MYO5B: variants seen among roughly 807,000 people sequenced by gnomAD.
MYO5B encodes the protein myosin VB.
MYO5B carries 143 observed loss-of-function variants against 229.3 expected under a neutral mutation model. The observed-to-expected ratio is 0.62, with a 90% confidence interval of 0.54 to 0.72. The LOEUF (loss-of-function observed/expected upper bound fraction) is 0.72. MYO5B is among the 30% of genes least tolerant of loss of function. The probability of loss-of-function intolerance (pLI) is 0.00; values close to 1 mark genes in which losing one functional copy is unlikely to be tolerated. For missense variants in MYO5B, 2,321 were observed against 2,331.0 expected, an observed-to-expected ratio of 1.00 and a Z score of 0.09; for synonymous variants, 918 against 885.2, an observed-to-expected ratio of 1.04 and a Z score of -0.66.
chr18:49,864,532 C>T lies in MYO5B; in HGVS notation c.3604-152G>A, dbSNP rs2024374359. 3.6e-6 allele frequency: 4 copies of T among 1,121,006 alleles called. No individual in the cohort carries two copies. In the South Asian group the frequency reaches 5.9e-5, roughly 17 times the overall value. The allele number at this position is 1,121,006 out of a possible 1,614,324, so 69.4% of individuals were successfully genotyped here. On this transcript the variant is annotated intron_variant, in intron 27 of 39. Coordinates refer to ENST00000285039, the MANE Select transcript of MYO5B (RefSeq NM_001080467.3). ...GAAAGTTCTGACTGCCATCAGCAAGCAGTCAAAGCTGGGGCCTGGATGTGA... is the reference window on the plus strand; with the variant it reads ...GAAAGTTCTGACTGCCATCAGCAAGTAGTCAAAGCTGGGGCCTGGATGTGA...
chr18:50,092,715 T>C (rs1250365370), intron 1 of MYO5B, among the ~76,000 whole-genome samples: 6 of 152,098 alleles, frequency 3.9e-5, no homozygotes, highest in South Asian at 2.1e-4. Context: ...GCCAGTAACA[T>C]ACTAGTGCCC....
rs2023786217 is a variant in MYO5B, at chr18:49,822,828, T to G, written c.*3643A>C. 6.6e-6 allele frequency: 1 copy of G among 152,272 alleles called. No homozygotes were observed. Among genetic ancestry groups the G allele is most frequent in the Non-Finnish European group, 1.5e-5 (1 of 68,048 alleles). 9.4% of individuals were successfully genotyped at this position (152,272 alleles called of 1,614,324 possible). A position where few individuals can be genotyped will look rare whatever the true frequency, so the allele number is the denominator to read the frequency against. On this transcript the variant is annotated 3_prime_UTR_variant, in exon 40 of 40. Transcript: ENST00000285039. ...GGCACACCTCTTTATTCAAAAGTAT[T>G]TATTTCCACAAATTTTTATCCACAG...
chr18:49,915,254 G>C (rs2025000062), intron 17 of MYO5B, among the ~76,000 whole-genome samples: 1 of 151,808 alleles, frequency 6.6e-6, no homozygotes, highest in Non-Finnish European at 1.5e-5. Context: ...TAGTATATTT[G>C]CGAAGTTGTG....
intron 22 of MYO5B, among the ~76,000 whole-genome samples, chr18:49,885,869 G>A (rs2679728): frequency 0.58 from 88,162 of 151,858 alleles, 25,737 homozygotes; most frequent in Middle Eastern, 0.67. Flanking sequence ...TGTCCTTTAA[G>A]GGCCCATAGA....
chr18:49,882,742 T>C (rs552149847), intron 22 of MYO5B, among the ~76,000 whole-genome samples: 1 of 151,880 alleles, frequency 6.6e-6, no homozygotes, highest in African/African-American at 2.4e-5. Context: ...GATCAATATA[T>C]GTAGATGGTT....
chr18:49,930,977 G>A (rs369661462), intron 16 of MYO5B, among the ~76,000 whole-genome samples: 1 of 152,008 alleles, frequency 6.6e-6, no homozygotes, highest in African/African-American at 2.4e-5. Flanking sequence ...TCTTCATAGA[G>A]AAAGAATTAA....
At chr18:49,978,263 AC>A (rs2025774974) in intron 9 of MYO5B, among the ~76,000 whole-genome samples, 1 of 152,166 alleles carries the variant, frequency 6.6e-6, no homozygotes, top group Non-Finnish European at 1.5e-5. Context: ...CTCAGTGGGT[AC>A]TAGAGGGAGA....
chr18:50,067,970 C>T (rs1286196862), intron 1 of MYO5B, among the ~76,000 whole-genome samples: 1 of 152,070 alleles, frequency 6.6e-6, no homozygotes, highest in Admixed American at 6.6e-5. Flanking sequence ...GTATACACTA[C>T]AGACATGTTC....
Position 50,055,284 on chromosome 18 carries a change from C to G in MYO5B, c.122G>C (p.Arg41Thr). ...YKEGDKSLQL[R>T]LEDETILEYP... ...CACTCTTACCGTTTCATCCTCCAGT[C>G]TGAGCTGTAGGCTCTTGTCTCCTTC... The change falls in exon 2 of 40, where the codon AGA (arginine) becomes ACA (threonine). Residue 41 changes from arginine to threonine, a missense_variant. Physicochemically the swap from Arg to Thr is moderately conservative, Grantham distance 71. Around this residue, in one of 2 missense-constraint regions of MYO5B, gnomAD observed 2,113 missense variants for 2,044.7 expected, o/e 1.03. Transcript: ENST00000285039. 1.3e-6 allele frequency: 2 copies of G among 1,517,156 alleles called. No individual in the cohort carries two copies. The highest frequency in any genetic ancestry group is 1.8e-6 in the Non-Finnish European group (2 of 1,118,716). 94.0% of individuals were successfully genotyped at this position (1,517,156 alleles called of 1,614,324 possible). A position where few individuals can be genotyped will look rare whatever the true frequency, so the allele number is the denominator to read the frequency against.
At chr18:50,043,626 ATAAATATATTAAATATATTTATAAATATG>A (rs2030132491) in intron 2 of MYO5B, among the ~76,000 whole-genome samples, 2 of 135,398 alleles carry the variant, frequency 1.5e-5, no homozygotes, top group Non-Finnish European at 3.1e-5. Flanking sequence ...ATATAAATAT[ATAAATATATTAAATATATTTATAAATATG>A]TAAATATATA....
At chr18:49,927,995 A>C (rs554939860) in intron 17 of MYO5B, among the ~76,000 whole-genome samples, 36 of 152,372 alleles carry the variant, frequency 2.4e-4, no homozygotes, top group African/African-American at 6.7e-4. Context: ...CTATACATCC[A>C]ACAAAGGACT....
intron 1 of MYO5B, among the ~76,000 whole-genome samples, chr18:50,100,777 C>G (rs2144501856): frequency 6.6e-6 from 1 of 152,316 alleles, no homozygotes; most frequent in African/African-American, 2.4e-5. Context: ...CTCTCTTCTT[C>G]TTGTCTTTGC....
intron 4 of MYO5B, among the ~76,000 whole-genome samples, chr18:50,030,193 C>A (rs1378338332): frequency 6.6e-6 from 1 of 152,186 alleles, no homozygotes; most frequent in Non-Finnish European, 1.5e-5. Context: ...CAGAGCATTC[C>A]ATCCCCATCA....
chr18:50,146,002 C>G (rs1445392656), intron 1 of MYO5B, among the ~76,000 whole-genome samples: 3 of 152,214 alleles, frequency 2.0e-5, no homozygotes, highest in African/African-American at 4.8e-5. Flanking sequence ...AAAGGAGCAG[C>G]CCTTCCCAAT....
intron 39 of MYO5B, among the ~76,000 whole-genome samples, chr18:49,831,137 AAAATT>A (rs1416958085): frequency 2.0e-5 from 3 of 152,204 alleles, no homozygotes; most frequent in Non-Finnish European, 4.4e-5. Context: ...ACCATATACA[AAAATT>A]AACTCTGAAT....
intron 14 of MYO5B, among the ~76,000 whole-genome samples, chr18:49,949,323 G>GA (rs1568043376): frequency 1.1e-5 from 1 of 87,626 alleles, no homozygotes. Context: ...ATAAAAACTG[G>GA]AAAACTGGAA....
At chr18:50,130,844 C>T (rs1432733011) in intron 1 of MYO5B, among the ~76,000 whole-genome samples, 1 of 152,164 alleles carries the variant, frequency 6.6e-6, no homozygotes, top group Non-Finnish European at 1.5e-5. Flanking sequence ...GGTAAGGAAT[C>T]CCGAATAAGC....
chr18:49,964,168 T>C (rs191708529), intron 10 of MYO5B, among the ~76,000 whole-genome samples: 1 of 152,246 alleles, frequency 6.6e-6, no homozygotes, highest in Non-Finnish European at 1.5e-5. Context: ...TCTTAAAAGG[T>C]AGAAGTAAAT....
chr18:50,165,249 G>A (rs2032828338), intron 1 of MYO5B, among the ~76,000 whole-genome samples: 2 of 151,942 alleles, frequency 1.3e-5, no homozygotes, highest in Admixed American at 1.3e-4. Flanking sequence ...CTGGGTGGCT[G>A]AGGCAGGAGG....
Sources: allele counts gnomAD v4.1 joint callset (sites outside exome capture counted in the v4.1 genomes callset), GRCh38; gene constraint gnomAD v4.1.1; regional missense constraint gnomAD v4.1.1; transcripts MANE v1.5; gene names NCBI Gene and HGNC (gene_info 2026-07-23, HGNC 2026-07-21).